The following TCF4 variants were observed in gnomAD, a reference collection of about 807,000 sequenced individuals.
TCF4 encodes transcription factor 4.
Under a neutral mutation model 82.1 loss-of-function variants are expected in TCF4, and 3 were observed. The ratio of observed to expected loss-of-function variants is 0.04; its 90% CI spans 0.02 to 0.09. The LOEUF (loss-of-function observed/expected upper bound fraction) is 0.09, where lower values mean the gene tolerates loss of function less well. Among genes scored for constraint, TCF4 ranks in the 10% least tolerant of loss-of-function variants. The pLI, the probability that TCF4 is intolerant of heterozygous loss-of-function variation, is 1.00. For missense variants in TCF4, 518 were observed against 852.7 expected (o/e 0.61, Z 4.89); for synonymous variants, 276 against 309.6 (o/e 0.89, Z 1.14).
chr18:55,410,119 A>G (rs2094283158), intron 5 of TCF4, among the ~76,000 whole-genome samples: 1 of 152,220 alleles, frequency 6.6e-6, no homozygotes, highest in Non-Finnish European at 1.5e-5. Context: ...CTAACTAGGC[A>G]CATAGCTTGT....
intron 2 of TCF4, among the ~76,000 whole-genome samples, chr18:55,618,478 TTC>T (rs1200911690): frequency 6.6e-6 from 1 of 152,188 alleles, no homozygotes; most frequent in African/African-American, 2.4e-5. Context: ...TATTTGAGTT[TTC>T]TCTCTTTTTT....
chr18:55,299,452 T>TTC (rs1281312497), intron 8 of TCF4, among the ~76,000 whole-genome samples: 37 of 117,848 alleles, frequency 3.1e-4, no homozygotes, highest in African/African-American at 1.1e-3. Flanking sequence ...ATGTTTCTGC[T>TTC]TTTTTTTTTT....
At chr18:55,275,473 C>T in intron 10 of TCF4, 146 bp downstream of exon 10, 1 of 1,048,964 alleles carries the variant, frequency 9.5e-7, no homozygotes, top group Non-Finnish European at 1.4e-6. Context: ...TGTCTTTGAT[C>T]ACAGAAACAA....
At chr18:55,580,931 T>C (rs1015363624) in intron 3 of TCF4, among the ~76,000 whole-genome samples, 1 of 151,984 alleles carries the variant, frequency 6.6e-6, no homozygotes, top group African/African-American at 2.4e-5. Context: ...TAGGTTCTTG[T>C]TAGGATTTAA....
chr18:55,502,391 A>G (rs1007014057), intron 3 of TCF4, among the ~76,000 whole-genome samples: 1 of 152,232 alleles, frequency 6.6e-6, no homozygotes, highest in Non-Finnish European at 1.5e-5. Flanking sequence ...CATCTCATCT[A>G]GATTGTTCCT....
At chr18:55,327,845 T>C (rs571094568) in intron 8 of TCF4, among the ~76,000 whole-genome samples, 2 of 152,254 alleles carry the variant, frequency 1.3e-5, no homozygotes, top group South Asian at 4.1e-4. Context: ...GACAGCAGCA[T>C]GCAAAATAGA....
chr18:55,389,057 CAG>C, intron 6 of TCF4, among the ~76,000 whole-genome samples: 1 of 150,250 alleles, frequency 6.7e-6, no homozygotes, highest in South Asian at 2.1e-4. Flanking sequence ...ACCCGGGAGG[CAG>C]GGATTGCAGT....
intron 6 of TCF4, among the ~76,000 whole-genome samples, chr18:55,371,946 A>G (rs2089345824): frequency 6.6e-6 from 1 of 152,206 alleles, no homozygotes; most frequent in South Asian, 2.1e-4. Context: ...TAAATGAAAG[A>G]ATAAATAAAT....
exon 1 of TCF4, chr18:55,635,864 C>A: frequency 6.4e-7 from 1 of 1,567,286 alleles, no homozygotes; most frequent in Non-Finnish European, 8.7e-7. Flanking sequence ...AGGAGAGGCA[C>A]CTGTGGTATT....
At chr18:55,301,071 T>A (rs929855717) in intron 8 of TCF4, among the ~76,000 whole-genome samples, 2 of 151,918 alleles carry the variant, frequency 1.3e-5, no homozygotes, top group Non-Finnish European at 1.5e-5. Context: ...CACATCTGTC[T>A]TCCTCCCCTC....
At chr18:55,240,328 T>C (rs952324944) in intron 15 of TCF4, among the ~76,000 whole-genome samples, 1 of 152,210 alleles carries the variant, frequency 6.6e-6, no homozygotes, top group African/African-American at 2.4e-5. Context: ...GCTGATGGGT[T>C]TTCACTGTAA....
chr18:55,423,000 C>CAT (rs374643306), intron 5 of TCF4, among the ~76,000 whole-genome samples: 1 of 151,850 alleles, frequency 6.6e-6, no homozygotes, highest in African/African-American at 2.4e-5. Flanking sequence ...CACACACACA[C>CAT]GCACATGCTC....
chr18:55,321,893 G>C (rs1460315894), intron 8 of TCF4: 8 of 1,406,288 alleles, frequency 5.7e-6, no homozygotes, highest in African/African-American at 1.4e-5. Context: ...CATTCCTGGC[G>C]GGCGGGGGAG....
At chr18:55,587,481 A>G (rs2097661631) in intron 1 of TCF4, among the ~76,000 whole-genome samples, 1 of 151,034 alleles carries the variant, frequency 6.6e-6, no homozygotes. Context: ...ATTTTATGCA[A>G]CAGGAGGTAG....
At chr18:55,460,993 G>A (rs1330100870) in intron 5 of TCF4, 26 bp downstream of exon 5, 2 of 1,596,424 alleles carry the variant, frequency 1.3e-6, no homozygotes, top group African/African-American at 1.3e-5. Flanking sequence ...TTCAAAAAGT[G>A]TAAGTTAATT....
chr18:55,517,284 T>C (rs1382254585), intron 3 of TCF4, among the ~76,000 whole-genome samples: 1 of 152,198 alleles, frequency 6.6e-6, no homozygotes, highest in Non-Finnish European at 1.5e-5. Context: ...GGTGATTTTC[T>C]ACCATGATGT....
intron 1 of TCF4, chr18:55,635,649 T>G (rs2097735638): frequency 2.0e-6 from 3 of 1,511,396 alleles, no homozygotes; most frequent in Non-Finnish European, 2.7e-6. Flanking sequence ...GGGAGATCAT[T>G]TTTGGTTTCA....
chr18:55,630,010 CCTTT>C (rs1407669923), intron 2 of TCF4, among the ~76,000 whole-genome samples: 1 of 152,058 alleles, frequency 6.6e-6, no homozygotes, highest in Non-Finnish European at 1.5e-5. Context: ...TTCTTTGGGG[CCTTT>C]CTAAGATTTC....
chr18:55,592,767 G>C (rs560667526), upstream of TCF4, among the ~76,000 whole-genome samples: 39 of 152,296 alleles, frequency 2.6e-4, no homozygotes, highest in African/African-American at 8.9e-4. Flanking sequence ...CCTGGTCCCA[G>C]CAAGCTAAGC....
Sources: gnomAD v4.1 joint callset for allele counts (sites outside exome capture counted in the v4.1 genomes callset) on GRCh38, gnomAD v4.1.1 for gene constraint, MANE v1.5 for transcripts, NCBI Gene and HGNC (gene_info 2026-07-23, HGNC 2026-07-21) for gene names.